The following EGFL6 variants were observed in gnomAD, a reference collection of about 807,000 sequenced individuals.
EGFL6 encodes EGF like domain multiple 6.
In EGFL6, 42 loss-of-function variants were observed where a neutral mutation model predicts 43.1. The ratio of observed to expected loss-of-function variants is 0.98; its 90% CI spans 0.76 to 1.26. The LOEUF is 1.26. Among genes scored for constraint, EGFL6 ranks in the 50% most tolerant of loss-of-function variants. The probability of loss-of-function intolerance (pLI) is 0.00; values close to 1 mark genes in which losing one functional copy is unlikely to be tolerated. For missense variants in EGFL6, 429 were observed against 427.8 expected (o/e 1.00, Z -0.02); for synonymous variants, 164 against 163.2 (o/e 1.01, Z -0.04).
At chrX:13,616,610 C>CA (rs748286483) in intron 7 of EGFL6, among the ~76,000 whole-genome samples, 159 of 84,168 alleles carry the variant, frequency 1.9e-3, no homozygotes, top group South Asian at 3.7e-3. Flanking sequence ...AACTCTGTCT[C>CA]AAAAAAAAAA....
At chrX:13,617,556 G>A (rs1244582796) in intron 7 of EGFL6, among the ~76,000 whole-genome samples, 174 bp from the exon 8 acceptor site, 1 of 109,411 alleles carries the variant, frequency 9.1e-6, no homozygotes, top group Non-Finnish European at 1.9e-5. Flanking sequence ...CAGTGGAACT[G>A]CTTAAAACAA....
chrX:13,592,917 CTT>C (rs562569967), intron 2 of EGFL6, among the ~76,000 whole-genome samples: 12 of 82,165 alleles, frequency 1.5e-4, no homozygotes, highest in Admixed American at 1.5e-4. Flanking sequence ...TAGGTTCTTT[CTT>C]TTTTTTTTTT....
rs768455443 is a variant in EGFL6 at position 13,600,059 on chromosome X, G to C, written c.365G>C (p.Ser122Thr). ...GGAAGCTACAAGTGCTTTTGCCTCA[G>C]TGGCCACATGCTCATGCCAGATGCT... ...THGSYKCFCL[S>T]GHMLMPDATC... The change falls in exon 4 of 12, where the codon AGT becomes ACT. Residue 122 changes from serine (S) to threonine (T), a missense_variant. Physicochemically the swap from Ser to Thr is moderately conservative, Grantham distance 58. Transcript: ENST00000361306. 1 of 1,209,677 alleles carries C rather than the reference G, an allele frequency of 8.3e-7. No individual in the cohort carries two copies. The highest frequency in any genetic ancestry group is 1.7e-5 in the African/African-American group (1 of 57,198).
chrX:13,608,529 C>G (rs1335113590), intron 7 of EGFL6, 83 bp downstream of exon 7: 2 of 1,088,601 alleles, frequency 1.8e-6, no homozygotes, highest in African/African-American at 3.7e-5. Flanking sequence ...TATTTCTCTC[C>G]TTTCTTTGTC....
At chrX:13,573,562 AG>A (rs2045454567) in intron 1 of EGFL6, among the ~76,000 whole-genome samples, 1 of 112,426 alleles carries the variant, frequency 8.9e-6, no homozygotes, top group Non-Finnish European at 1.9e-5. Context: ...AATGAAAATA[AG>A]TGTATTACCT....
intron 11 of EGFL6, among the ~76,000 whole-genome samples, chrX:13,627,631 A>G (rs189339222): frequency 2.7e-5 from 3 of 112,346 alleles, no homozygotes; most frequent in Non-Finnish European, 3.8e-5. Context: ...AATGGCAGCT[A>G]GAAGGTGATT....
At chrX:13,612,941 G>A (rs957861731) in intron 7 of EGFL6, among the ~76,000 whole-genome samples, 21 of 109,713 alleles carry the variant, frequency 1.9e-4, no homozygotes, top group Admixed American at 1.1e-3. Flanking sequence ...GCTCAGGGGT[G>A]CAAGACCAGC....
Position 13,628,170 on chromosome X carries a change from G to A in EGFL6, c.1551+894G>A, listed in dbSNP as rs772725291. On this transcript the variant is annotated intron_variant, in intron 11 of 11. Transcript: ENST00000361306. ...CTTAATCAAAGAGGGTATTACAAGG[G>A]CTTAGAGGTTATCTCCTAAGAACCA... Among the ~76,000 whole-genome samples, 18 of 111,215 alleles carry A rather than the reference G, an allele frequency of 1.6e-4. No individual in the cohort carries two copies. The South Asian group carries it at 6.2e-3, about 38-fold the overall frequency.
At position 13,603,586 on chromosome X, in the gene EGFL6, A is replaced by C. The variant is rs996991328; in HGVS notation, c.520+150A>C. Reference sequence around the variant, plus strand: ...TTATATCAGTTTCTGAGATACTTTTAGCCACATATGCTCTAAACATACTTT... The same window carrying C: ...TTATATCAGTTTCTGAGATACTTTTCGCCACATATGCTCTAAACATACTTT... On this transcript the variant is annotated intron_variant, in intron 5 of 11. Transcript: ENST00000361306. 4.3e-6 allele frequency: 3 copies of C among 702,116 alleles called. No homozygotes were observed. In the African/African-American group the frequency reaches 6.5e-5, roughly 15 times the overall value. The allele number at this position is 702,116 out of a possible 1,213,427, so 57.9% of individuals were successfully genotyped here.
chrX:13,618,351 G>A (rs539279365), intron 8 of EGFL6, among the ~76,000 whole-genome samples: 28 of 112,625 alleles, frequency 2.5e-4, no homozygotes, highest in African/African-American at 8.1e-4. Flanking sequence ...GTCCTGCAAG[G>A]GCAGTGGTTT....
intron 10 of EGFL6, among the ~76,000 whole-genome samples, chrX:13,626,619 T>C (rs938743356): frequency 8.9e-6 from 1 of 112,007 alleles, no homozygotes; most frequent in Non-Finnish European, 1.9e-5. Context: ...TTACATGTCA[T>C]TGACTCAGTG....
At chrX:13,621,715 G>C (rs1475254829) in intron 9 of EGFL6, among the ~76,000 whole-genome samples, 3 of 112,605 alleles carry the variant, frequency 2.7e-5, no homozygotes, top group South Asian at 3.7e-4. Flanking sequence ...CTCACACAGA[G>C]AGCTGTGAGT....
intron 1 of EGFL6, among the ~76,000 whole-genome samples, chrX:13,582,450 T>C (rs2045512458): frequency 9.0e-6 from 1 of 111,415 alleles, no homozygotes; most frequent in Admixed American, 9.5e-5. Flanking sequence ...TCGACAGAAC[T>C]ATAATACTAA....
intron 2 of EGFL6, among the ~76,000 whole-genome samples, chrX:13,592,100 G>A (rs1003107321): frequency 1.8e-5 from 2 of 110,691 alleles, no homozygotes; most frequent in African/African-American, 6.6e-5. Flanking sequence ...TAACCTTATA[G>A]CAAGGGTATT....
At chrX:13,597,561 A>T (rs778109798) in intron 3 of EGFL6, among the ~76,000 whole-genome samples, 1 of 111,851 alleles carries the variant, frequency 8.9e-6, no homozygotes, top group East Asian at 2.8e-4. Flanking sequence ...AGGTGGGTGG[A>T]TCACTTGAGG....
intron 11 of EGFL6, among the ~76,000 whole-genome samples, chrX:13,630,709 C>T (rs1309186332): frequency 8.9e-6 from 1 of 112,236 alleles, no homozygotes; most frequent in Non-Finnish European, 1.9e-5. Flanking sequence ...AGACCCTTGT[C>T]ATCTCCATTT....
chrX:13,582,367 A>C (rs1404288976), intron 1 of EGFL6, among the ~76,000 whole-genome samples: 1 of 111,235 alleles, frequency 9.0e-6, no homozygotes, highest in Non-Finnish European at 1.9e-5. Flanking sequence ...GGCCGAGTTG[A>C]TTCTTAAACA....
chrX:13,632,802 T>G (rs1419136405), intron 11 of EGFL6, among the ~76,000 whole-genome samples, 183 bp from the exon 12 acceptor site: 11 of 111,854 alleles, frequency 9.8e-5, no homozygotes, highest in Non-Finnish European at 1.5e-4. Flanking sequence ...GACCTTGTTT[T>G]CACCAAATGT....
chrX:13,610,645 C>T (rs1482182232), intron 7 of EGFL6, among the ~76,000 whole-genome samples: 2 of 111,771 alleles, frequency 1.8e-5, no homozygotes, highest in Admixed American at 1.9e-4. Context: ...CTTTCCATAT[C>T]GGATGAGTGC....
Sources: gnomAD v4.1 joint callset for allele counts (sites outside exome capture counted in the v4.1 genomes callset) on GRCh38, gnomAD v4.1.1 for gene constraint, MANE v1.5 for transcripts, NCBI Gene and HGNC (gene_info 2026-07-23, HGNC 2026-07-21) for gene names.